DTWD2: variants seen among roughly 807,000 people sequenced by gnomAD.
DTWD2 encodes the protein tRNA-uridine aminocarboxypropyltransferase 2.
In DTWD2, 39 loss-of-function variants were observed where a neutral mutation model predicts 31.8. The ratio of observed to expected loss-of-function variants is 1.22; its 90% CI spans 0.95 to 1.60. The LOEUF (loss-of-function observed/expected upper bound fraction) is 1.60, where lower values mean the gene tolerates loss of function less well. Ranked by LOEUF, DTWD2 falls within the 40% of genes most tolerant of loss-of-function variation. The pLI, the probability that DTWD2 is intolerant of heterozygous loss-of-function variation, is 0.00. For missense variants in DTWD2, 515 were observed against 381.5 expected (o/e 1.35, Z -2.92); for synonymous variants, 180 against 142.8 (o/e 1.26, Z -1.86).
chr5:118,870,924 T>C (rs1291245368), intron 4 of DTWD2, among the ~76,000 whole-genome samples: 1 of 149,312 alleles, frequency 6.7e-6, no homozygotes, highest in East Asian at 1.9e-4. Context: ...CTAAATCTTA[T>C]ATAATAACTT....
intron 4 of DTWD2, among the ~76,000 whole-genome samples, chr5:118,897,920 G>A (rs772996404): frequency 2.9e-4 from 44 of 152,124 alleles, no homozygotes; most frequent in Non-Finnish European, 1.0e-4. Flanking sequence ...CCAGGGTGGA[G>A]TGCAGTGTCA....
At chr5:118,841,658 G>C (rs1342468429) in intron 5 of DTWD2, among the ~76,000 whole-genome samples, 2 of 152,062 alleles carry the variant, frequency 1.3e-5, no homozygotes, top group African/African-American at 2.4e-5. Context: ...AATACCTATA[G>C]GCCAGCCATG....
intron 4 of DTWD2, among the ~76,000 whole-genome samples, chr5:118,896,446 T>C (rs181378327): frequency 1.7e-3 from 247 of 145,412 alleles, no homozygotes; most frequent in African/African-American, 6.5e-3. Context: ...AACTAGAACA[T>C]ATACTCTCTG....
chr5:118,931,765 C>T (rs1753929902), intron 3 of DTWD2, among the ~76,000 whole-genome samples: 1 of 152,120 alleles, frequency 6.6e-6, no homozygotes, highest in South Asian at 2.1e-4. Context: ...ATAGAATAGT[C>T]CACCAACAAC....
intron 4 of DTWD2, among the ~76,000 whole-genome samples, chr5:118,861,813 T>G (rs1409300334): frequency 6.6e-6 from 1 of 152,004 alleles, no homozygotes; most frequent in South Asian, 2.1e-4. Flanking sequence ...GAAAATAAAA[T>G]GGACTGATAG....
At chr5:118,847,088 C>T (rs530027059) in intron 5 of DTWD2, among the ~76,000 whole-genome samples, 2 of 152,218 alleles carry the variant, frequency 1.3e-5, no homozygotes, top group African/African-American at 4.8e-5. Flanking sequence ...TTCTTTAACA[C>T]TCCTTGCTTT....
chr5:118,963,505 A>C (rs116318560), intron 1 of DTWD2, among the ~76,000 whole-genome samples: 1 of 152,232 alleles, frequency 6.6e-6, no homozygotes, highest in Non-Finnish European at 1.5e-5. Flanking sequence ...ATGTTACACA[A>C]AAGATTCTGA....
At chr5:118,955,906 A>AT (rs201065094) in intron 1 of DTWD2, among the ~76,000 whole-genome samples, 7 of 151,538 alleles carry the variant, frequency 4.6e-5, no homozygotes, top group African/African-American at 9.7e-5. Flanking sequence ...ATGAATATTC[A>AT]TTTTTTTTTA....
chr5:118,965,045 C>A (rs1177857391), intron 1 of DTWD2, among the ~76,000 whole-genome samples: 2 of 150,762 alleles, frequency 1.3e-5, no homozygotes, highest in Non-Finnish European at 3.0e-5. Flanking sequence ...AGCACCTCTG[C>A]CCCGCCGCCC....
intron 1 of DTWD2, among the ~76,000 whole-genome samples, chr5:118,979,446 G>A (rs1025303389): frequency 6.6e-6 from 1 of 152,156 alleles, no homozygotes. Flanking sequence ...AAGATAATGG[G>A]GCAATTCCTC....
At chr5:118,930,739 C>G (rs76173660) in intron 3 of DTWD2, among the ~76,000 whole-genome samples, 3,172 of 152,078 alleles carry the variant, frequency 0.021, 114 homozygotes, top group African/African-American at 0.072. Flanking sequence ...AAGCCAGTCA[C>G]AAAAGTCCAA....
chr5:118,914,567 C>T (rs1372044390), intron 4 of DTWD2, among the ~76,000 whole-genome samples: 2 of 152,150 alleles, frequency 1.3e-5, no homozygotes, highest in African/African-American at 2.4e-5. Flanking sequence ...TTAAAAGTAA[C>T]AGCAAAAAAG....
At chr5:118,885,984 C>T (rs562031023) in intron 4 of DTWD2, among the ~76,000 whole-genome samples, 1 of 152,102 alleles carries the variant, frequency 6.6e-6, no homozygotes, top group South Asian at 2.1e-4. Flanking sequence ...AAGAAACACA[C>T]ACACACAAAA....
In DTWD2 at chr5:118,840,730, A is replaced by C. The variant is rs757985004; in HGVS notation, c.*187T>G. On this transcript the variant is annotated 3_prime_UTR_variant, in exon 6 of 6. Transcript: ENST00000510708. ...AGTACAGTAGGAAATCCTGCTTTTC[A>C]GTGAGCCAGTGAATTTCTGTTTATT... 1 of 535,020 alleles carries C rather than the reference A, an allele frequency of 1.9e-6. No individual in the cohort carries two copies. Among genetic ancestry groups the C allele is most frequent in the African/African-American group, 2.0e-5 (1 of 50,260 alleles). The allele number at this position is 535,020 out of a possible 1,614,324, so 33.1% of individuals were successfully genotyped here. A position where few individuals can be genotyped will look rare whatever the true frequency, so the allele number is the denominator to read the frequency against.
At chr5:118,972,425 A>C (rs1469372917) in intron 1 of DTWD2, among the ~76,000 whole-genome samples, 1 of 152,226 alleles carries the variant, frequency 6.6e-6, no homozygotes, top group Non-Finnish European at 1.5e-5. Flanking sequence ...AACCAGGAAG[A>C]AATTGAGTAC....
At chr5:118,950,162 G>A (rs774080125) in intron 1 of DTWD2, among the ~76,000 whole-genome samples, 55 of 138,412 alleles carry the variant, frequency 4.0e-4, no homozygotes, top group African/African-American at 5.3e-4. Flanking sequence ...TTATTGAGCC[G>A]AGATCACGCC....
rs1561417905 is a variant in DTWD2 at position 118,836,126 on chromosome 5, G to C, written c.*4791C>G. Among the ~76,000 whole-genome samples the C allele has an allele frequency of 1.3e-5, 2 of 151,976 alleles. No individual in the cohort carries two copies. The highest frequency in any genetic ancestry group is 6.6e-5 in the Admixed American group (1 of 15,258). On this transcript the variant is annotated 3_prime_UTR_variant, in exon 6 of 6. Transcript: ENST00000510708. Reference sequence around the variant, plus strand: ...AATATACTTCTAAGTAACAATAACAGTAAGACATATAGTAAAATTTCTTAT... The same window carrying C: ...AATATACTTCTAAGTAACAATAACACTAAGACATATAGTAAAATTTCTTAT...
chr5:118,887,824 A>G (rs1305064525), intron 4 of DTWD2, among the ~76,000 whole-genome samples: 1 of 152,154 alleles, frequency 6.6e-6, no homozygotes, highest in African/African-American at 2.4e-5. Context: ...GTTTTTTAGA[A>G]GAGACGAGGT....
At chr5:118,842,075 T>C (rs1751731666) in intron 5 of DTWD2, among the ~76,000 whole-genome samples, 1 of 152,100 alleles carries the variant, frequency 6.6e-6, no homozygotes, top group African/African-American at 2.4e-5. Context: ...TAATACACAC[T>C]CTCACATCTG....
Sources: gnomAD v4.1 joint callset for allele counts (sites outside exome capture counted in the v4.1 genomes callset) on GRCh38, gnomAD v4.1.1 for gene constraint, MANE v1.5 for transcripts, NCBI Gene and HGNC (gene_info 2026-07-23, HGNC 2026-07-21) for gene names.